Variants in INSR observed in about 807,000 individuals in gnomAD.
INSR encodes the protein IR.
INSR carries 67 observed loss-of-function variants against 142.6 expected under a neutral mutation model. That is an observed-to-expected ratio of 0.47 (90% CI 0.39 to 0.58). INSR has a LOEUF of 0.58. INSR is among the 20% of genes least tolerant of loss of function. The pLI is 0.00. For synonymous variants in INSR, 756 were observed against 743.1 expected, an observed-to-expected ratio of 1.02 and a Z score of -0.28; for missense variants, 1,248 against 1,833.2, an observed-to-expected ratio of 0.68 and a Z score of 5.83.
At chr19:7,193,022 C>A in intron 2 of INSR, among the ~76,000 whole-genome samples, 1 of 152,126 alleles carries the variant, frequency 6.6e-6, no homozygotes, top group Admixed American at 6.5e-5. Flanking sequence ...GAGGGAGTCA[C>A]AGAAACACCA....
At position 7,216,511 on chromosome 19, in the gene INSR, C is replaced by G. The variant is rs1216567121; in HGVS notation, c.653-31874G>C. The stretch of plus-strand genomic sequence containing the variant: ...AGACATCCAGAGGGTAACAGGGAAC[C>G]ACGGGGGATGTCCCCGGGCTCTGGG... On this transcript the variant is annotated intron_variant, in intron 2 of 21. Transcript: ENST00000302850. The surrounding 1 kb of genome is among the most constrained non-coding windows in gnomAD (Gnocchi z 4.2). 6.6e-6 allele frequency among the ~76,000 whole-genome samples: 1 copy of G among 152,184 alleles called. No individual in the cohort carries two copies. Among genetic ancestry groups the G allele is most frequent in the Non-Finnish European group, 1.5e-5 (1 of 68,026 alleles).
intron 2 of INSR, among the ~76,000 whole-genome samples, chr19:7,256,326 G>A (rs1158690838): frequency 2.0e-5 from 3 of 152,028 alleles, no homozygotes; most frequent in Non-Finnish European, 4.4e-5. Flanking sequence ...GTGGGCGCCT[G>A]TAGTCCCAGC....
chr19:7,263,307 T>G (rs1054443311), intron 2 of INSR, among the ~76,000 whole-genome samples: 1 of 151,974 alleles, frequency 6.6e-6, no homozygotes, highest in Non-Finnish European at 1.5e-5. Flanking sequence ...GATGAAAAAT[T>G]TATTCTATGT....
chr19:7,251,711 C>T (rs1479266885), intron 2 of INSR, among the ~76,000 whole-genome samples: 1 of 151,898 alleles, frequency 6.6e-6, no homozygotes, highest in Non-Finnish European at 1.5e-5. Flanking sequence ...GGATGTGGTC[C>T]GTGGCATGGC....
At chr19:7,291,062 T>C (rs1239594871) in intron 1 of INSR, among the ~76,000 whole-genome samples, 1 of 149,228 alleles carries the variant, frequency 6.7e-6, no homozygotes, top group Non-Finnish European at 1.5e-5. Context: ...AGAGCAAGAC[T>C]CCGTCTCAAA....
intron 2 of INSR, among the ~76,000 whole-genome samples, chr19:7,221,581 GTC>G (rs1975618486): frequency 6.6e-6 from 1 of 151,464 alleles, no homozygotes; most frequent in Non-Finnish European, 1.5e-5. Context: ...GGTGGCACAC[GTC>G]TGTAATCCCA....
intron 2 of INSR, among the ~76,000 whole-genome samples, chr19:7,266,001 T>C (rs935666354): frequency 8.5e-5 from 13 of 152,078 alleles, no homozygotes; most frequent in African/African-American, 1.9e-4. Context: ...GCTACTGAGG[T>C]ACTAAAAGAC....
intron 14 of INSR, among the ~76,000 whole-genome samples, chr19:7,131,587 C>G (rs1004746130): frequency 1.3e-5 from 2 of 150,358 alleles, no homozygotes; most frequent in African/African-American, 4.9e-5. Flanking sequence ...ACCTTGTGAT[C>G]TGCCCGCCTC....
At chr19:7,134,670 C>T in intron 13 of INSR, among the ~76,000 whole-genome samples, 1 of 151,900 alleles carries the variant, frequency 6.6e-6, no homozygotes, top group Non-Finnish European at 1.5e-5. Context: ...GAGGCTGAGG[C>T]AGGAGAATCA....
intron 2 of INSR, among the ~76,000 whole-genome samples, chr19:7,211,505 C>T (rs1975273259): frequency 6.6e-6 from 1 of 152,176 alleles, no homozygotes; most frequent in African/African-American, 2.4e-5. Context: ...GTGCATTCCA[C>T]CAAGCATTCT....
chr19:7,270,822 A>G (rs1247812690), intron 1 of INSR, among the ~76,000 whole-genome samples: 1 of 151,964 alleles, frequency 6.6e-6, no homozygotes, highest in Non-Finnish European at 1.5e-5. Flanking sequence ...GCACTTTGGG[A>G]GGCCAAGATG....
chr19:7,137,616 C>T (rs974718253), intron 13 of INSR, among the ~76,000 whole-genome samples: 1 of 151,804 alleles, frequency 6.6e-6, no homozygotes, highest in Non-Finnish European at 1.5e-5. Flanking sequence ...GGTGAAACCT[C>T]GTCTCCATTA....
intron 2 of INSR, among the ~76,000 whole-genome samples, chr19:7,224,776 T>G (rs1214274619): frequency 6.6e-6 from 1 of 152,118 alleles, no homozygotes; most frequent in Non-Finnish European, 1.5e-5. Context: ...GGCTAACCAA[T>G]AGCAGGTGGG....
Position 7,132,249 on chromosome 19 carries a change from T to C in INSR, c.2751A>G (p.Ser917=), listed in dbSNP as rs1972804705. Residue 917 remains serine, a synonymous_variant, in exon 14 of 22, where the codon TCA becomes TCG. Coordinates refer to ENST00000302850, the MANE Select transcript of INSR (RefSeq NM_000208.4). ...GGATTCGCACGCTGTAGTTCCCCGGTGACAGCCCACGCAGCCTGCAGCCCC... is the reference window on the plus strand; with the variant it reads ...GGATTCGCACGCTGTAGTTCCCCGGCGACAGCCCACGCAGCCTGCAGCCCC... ...LERGCRLRGL[S]PGNYSVRIRA... 1 of 1,614,026 alleles carries C rather than the reference T, an allele frequency of 6.2e-7. No individual in the cohort carries two copies. Among genetic ancestry groups the C allele is most frequent in the African/African-American group, 1.3e-5 (1 of 74,926 alleles).
chr19:7,263,099 A>C (rs1018778699), intron 2 of INSR, among the ~76,000 whole-genome samples: 1 of 151,990 alleles, frequency 6.6e-6, no homozygotes, highest in African/African-American at 2.4e-5. Flanking sequence ...CCAACATGGC[A>C]AAGCCCCCTC....
rs1972232297 is a variant in INSR, at chr19:7,112,543, T to C, written c.*4513A>G. On this transcript the variant is annotated 3_prime_UTR_variant, in exon 22 of 22. Transcript: ENST00000302850. ...GAGGAGAAGCAACTTTCAGGCAAAG[T>C]GTAAAGACTAAACAAGCTGTTCCTG... 6.6e-6 allele frequency: 1 copy of C among 152,174 alleles called. No homozygotes were observed. The highest frequency in any genetic ancestry group is 2.4e-5 in the African/African-American group (1 of 41,444). The allele number at this position is 152,174 out of a possible 1,614,324, so 9.4% of individuals were successfully genotyped here. A position where few individuals can be genotyped will look rare whatever the true frequency, so the allele number is the denominator to read the frequency against.
chr19:7,234,322 T>C (rs1408792886), intron 2 of INSR, among the ~76,000 whole-genome samples: 2 of 152,158 alleles, frequency 1.3e-5, no homozygotes, highest in African/African-American at 4.8e-5. Context: ...TCTTCCCGTC[T>C]CAGCCTCCTG....
chr19:7,235,644 G>A (rs1263427652), intron 2 of INSR, among the ~76,000 whole-genome samples: 1 of 152,024 alleles, frequency 6.6e-6, no homozygotes, highest in Non-Finnish European at 1.5e-5. Flanking sequence ...GATCCCAGGG[G>A]TTCAAGACCA....
At chr19:7,195,784 GA>G (rs201159119) in intron 2 of INSR, among the ~76,000 whole-genome samples, 15 of 151,518 alleles carry the variant, frequency 9.9e-5, no homozygotes, top group African/African-American at 3.4e-4. Context: ...CTTCGCCTAG[GA>G]AAAAAAATCT....
Sources: gnomAD v4.1 joint callset for allele counts (sites outside exome capture counted in the v4.1 genomes callset) on GRCh38, gnomAD v4.1.1 for gene constraint, Gnocchi (gnomAD v3.1) non-coding constraint, MANE v1.5 for transcripts, NCBI Gene and HGNC (gene_info 2026-07-23, HGNC 2026-07-21) for gene names.